CACNA2D1: variants seen among roughly 807,000 people sequenced by gnomAD.
CACNA2D1 encodes voltage-dependent calcium channel subunit alpha-2/delta-1.
A neutral mutation model predicts 171.5 loss-of-function variants in CACNA2D1; 53 were observed. The ratio of observed to expected loss-of-function variants is 0.31; its 90% CI spans 0.25 to 0.39. CACNA2D1 has a LOEUF of 0.39. CACNA2D1 is among the 10% of genes least tolerant of loss of function. The probability of loss-of-function intolerance (pLI) is 1.00; values close to 1 mark genes in which losing one functional copy is unlikely to be tolerated. For missense variants in CACNA2D1, 903 were observed against 1,299.8 expected (o/e 0.69, Z 4.69); for synonymous variants, 442 against 443.1 (o/e 1.00, Z 0.03).
intron 1 of CACNA2D1, among the ~76,000 whole-genome samples, chr7:82,408,818 C>T (rs1420626102): frequency 1.3e-5 from 2 of 152,164 alleles, no homozygotes; most frequent in Non-Finnish European, 2.9e-5. Flanking sequence ...GCGTAGTCAA[C>T]TAATTACAGA....
At chr7:82,130,690 C>A (rs1294135551) in intron 5 of CACNA2D1, among the ~76,000 whole-genome samples, 1 of 151,518 alleles carries the variant, frequency 6.6e-6, no homozygotes, top group Non-Finnish European at 1.5e-5. Context: ...GTTAAAATAA[C>A]CAGAGCCTCA....
chr7:82,369,492 T>A (rs1031830598), intron 1 of CACNA2D1, among the ~76,000 whole-genome samples: 1 of 151,966 alleles, frequency 6.6e-6, no homozygotes, highest in African/African-American at 2.4e-5. Context: ...TGCAGTAGCA[T>A]CAACATTACT....
intron 1 of CACNA2D1, among the ~76,000 whole-genome samples, chr7:82,359,743 T>C (rs1585645546): frequency 1.3e-5 from 2 of 152,308 alleles, no homozygotes; most frequent in African/African-American, 2.4e-5. Context: ...TACTGTTTTA[T>C]ATCAGTGTTA....
chr7:82,111,428 G>GTGTATATATATA (rs1413914216), intron 6 of CACNA2D1, among the ~76,000 whole-genome samples: 1 of 50,416 alleles, frequency 2.0e-5, no homozygotes, highest in African/African-American at 9.5e-5. Context: ...ATATATGTGT[G>GTGTATATATATA]TATATATATA....
chr7:82,393,842 T>C (rs941634141), intron 1 of CACNA2D1, among the ~76,000 whole-genome samples: 6 of 152,228 alleles, frequency 3.9e-5, no homozygotes, highest in Non-Finnish European at 7.3e-5. Context: ...CTGATATATA[T>C]AATTTGCATA....
At chr7:82,381,571 T>C (rs73382079) in intron 1 of CACNA2D1, among the ~76,000 whole-genome samples, 138 of 152,286 alleles carry the variant, frequency 9.1e-4, no homozygotes, top group African/African-American at 3.1e-3. Flanking sequence ...CTTTATTATT[T>C]TACCCTTACC....
chr7:81,957,224 T>C (rs1412444311), intron 38 of CACNA2D1, among the ~76,000 whole-genome samples: 1 of 152,124 alleles, frequency 6.6e-6, no homozygotes, highest in Non-Finnish European at 1.5e-5. Context: ...AATGACAATT[T>C]TTACACAAAA....
intron 1 of CACNA2D1, among the ~76,000 whole-genome samples, chr7:82,391,667 G>T (rs1489497958): frequency 6.6e-6 from 1 of 152,156 alleles, no homozygotes; most frequent in African/African-American, 2.4e-5. Context: ...TGTTTGCAGA[G>T]GTACAATTGA....
intron 1 of CACNA2D1, among the ~76,000 whole-genome samples, chr7:82,434,200 T>C (rs1829933748): frequency 6.6e-6 from 1 of 152,252 alleles, no homozygotes. Context: ...TGGAACATCC[T>C]TGACCTGAAC....
intron 10 of CACNA2D1, among the ~76,000 whole-genome samples, chr7:82,041,363 T>C (rs1184050690): frequency 6.6e-6 from 1 of 152,120 alleles, no homozygotes; most frequent in Non-Finnish European, 1.5e-5. Context: ...ATCAACTTCA[T>C]TATTCTAGGA....
At chr7:82,159,019 A>G (rs1427712818) in intron 4 of CACNA2D1, among the ~76,000 whole-genome samples, 1 of 151,836 alleles carries the variant, frequency 6.6e-6, no homozygotes. Flanking sequence ...GGTTTACATC[A>G]TATTTTCTTT....
intron 11 of CACNA2D1, among the ~76,000 whole-genome samples, chr7:82,036,815 A>T (rs1027116626): frequency 1.3e-4 from 20 of 152,210 alleles, no homozygotes; most frequent in African/African-American, 4.6e-4. Context: ...CAAATATAAG[A>T]GTTCATTCAG....
At chr7:82,060,179 A>T (rs868815791) in intron 10 of CACNA2D1, among the ~76,000 whole-genome samples, 66 of 23,340 alleles carry the variant, frequency 2.8e-3, no homozygotes, top group African/African-American at 0.014. Context: ...TATATATATA[A>T]TATATATATA....
chr7:82,114,467 C>G (rs569493139), intron 6 of CACNA2D1, among the ~76,000 whole-genome samples: 2 of 152,020 alleles, frequency 1.3e-5, no homozygotes, highest in East Asian at 3.9e-4. Context: ...TAAAGAGGGC[C>G]GGCGTGGGGG....
At chr7:82,005,319 G>C (rs774907668) in intron 18 of CACNA2D1, 104 bp downstream of exon 18, 19 of 752,576 alleles carry the variant, frequency 2.5e-5, no homozygotes, top group Non-Finnish European at 4.0e-5. Flanking sequence ...ACTGTACTTT[G>C]ATATTTAGTG....
chr7:82,309,933 T>G (rs1223787401), intron 3 of CACNA2D1, among the ~76,000 whole-genome samples: 1 of 152,158 alleles, frequency 6.6e-6, no homozygotes, highest in East Asian at 1.9e-4. Flanking sequence ...TTCAGTAAAG[T>G]CTTTAAGGCT....
intron 3 of CACNA2D1, among the ~76,000 whole-genome samples, chr7:82,306,365 T>A (rs1194259710): frequency 6.6e-6 from 1 of 152,164 alleles, no homozygotes; most frequent in Non-Finnish European, 1.5e-5. Flanking sequence ...AAGAAGAAGT[T>A]CCATCCCTTT....
At chr7:82,299,135 A>G (rs1435444806) in intron 3 of CACNA2D1, among the ~76,000 whole-genome samples, 1 of 152,128 alleles carries the variant, frequency 6.6e-6, no homozygotes, top group African/African-American at 2.4e-5. Flanking sequence ...TTGGGAAAAA[A>G]AAATTCTCTG....
chr7:82,279,223 G>T (rs976384959), intron 3 of CACNA2D1, among the ~76,000 whole-genome samples: 2 of 152,172 alleles, frequency 1.3e-5, no homozygotes, highest in African/African-American at 4.8e-5. Context: ...AATATGTTCT[G>T]CAAAAGTATG....
Sources: allele counts gnomAD v4.1 joint callset (sites outside exome capture counted in the v4.1 genomes callset), GRCh38; gene constraint gnomAD v4.1.1; transcripts MANE v1.5; gene names NCBI Gene and HGNC (gene_info 2026-07-23, HGNC 2026-07-21).